Variants in FAM120A observed in about 807,000 individuals in gnomAD.
FAM120A encodes the protein constitutive coactivator of PPAR-gamma-like protein 1.
In FAM120A, 15 loss-of-function variants were observed where a neutral mutation model predicts 109.7. The ratio of observed to expected loss-of-function variants is 0.14; its 90% confidence interval spans 0.09 to 0.21. The LOEUF is 0.21. Among genes scored for constraint, FAM120A ranks in the 10% least tolerant of loss-of-function variants. The probability of loss-of-function intolerance (pLI) is 1.00; values close to 1 mark genes in which losing one functional copy is unlikely to be tolerated. For missense variants in FAM120A, 899 were observed against 1,439.3 expected (o/e 0.62, Z 6.07); for synonymous variants, 493 against 572.8 (o/e 0.86, Z 1.99).
intron 7 of FAM120A, among the ~76,000 whole-genome samples, chr9:93,517,659 G>T (rs1196482513): frequency 6.6e-6 from 1 of 152,220 alleles, no homozygotes; most frequent in East Asian, 1.9e-4. Flanking sequence ...AAAAGCAAAA[G>T]AAGTAAGCTT....
intron 7 of FAM120A, among the ~76,000 whole-genome samples, chr9:93,522,253 T>G (rs1860876857): frequency 6.6e-6 from 1 of 152,218 alleles, no homozygotes; most frequent in African/African-American, 2.4e-5. Flanking sequence ...TGATACAAAG[T>G]TATATAGAAT....
intron 12 of FAM120A, among the ~76,000 whole-genome samples, chr9:93,552,385 A>G (rs1240359268): frequency 6.6e-6 from 1 of 152,194 alleles, no homozygotes; most frequent in African/African-American, 2.4e-5. Flanking sequence ...TCAGAAAGAC[A>G]TATGTATGTA....
intron 1 of FAM120A, among the ~76,000 whole-genome samples, chr9:93,463,044 C>T (rs1355897668): frequency 6.6e-6 from 1 of 152,164 alleles, no homozygotes; most frequent in Non-Finnish European, 1.5e-5. Flanking sequence ...AGTGTAATTG[C>T]TGTATCTTAG....
intron 1 of FAM120A, among the ~76,000 whole-genome samples, chr9:93,462,147 A>G (rs1450475831): frequency 6.6e-6 from 1 of 152,246 alleles, no homozygotes; most frequent in Admixed American, 6.5e-5. Flanking sequence ...TTGGAGCCAA[A>G]GCACCTAGGC....
chr9:93,452,417 G>T lies in FAM120A; in HGVS notation c.474+28G>T, dbSNP rs1480318119. 6.3e-7 allele frequency: 1 copy of T among 1,583,378 alleles called. No homozygotes were observed. The highest frequency in any genetic ancestry group is 8.6e-7 in the Non-Finnish European group (1 of 1,166,146). On this transcript the variant is annotated intron_variant, in intron 1 of 17. Transcript: ENST00000277165. This position sits in a 1 kb window ranked among gnomAD's most constrained non-coding sequence, Gnocchi z 7.0. Reference sequence around the variant, plus strand: ...GAGGCCGGGGATCCGGGCGGGCCGGGGACCGGGGCCGCGCCGCACCCCTAT... The same window carrying T: ...GAGGCCGGGGATCCGGGCGGGCCGGTGACCGGGGCCGCGCCGCACCCCTAT...
intron 1 of FAM120A, chr9:93,453,306 A>G: frequency 1.0e-6 from 1 of 986,700 alleles, no homozygotes; most frequent in Non-Finnish European, 1.2e-6. Flanking sequence ...AGGGCTTCGC[A>G]GCTGGCACTG....
At chr9:93,563,856 T>C (rs1181813895) in intron 17 of FAM120A, among the ~76,000 whole-genome samples, 1 of 152,252 alleles carries the variant, frequency 6.6e-6, no homozygotes, top group Non-Finnish European at 1.5e-5. Context: ...CACAGGCAGA[T>C]GTGGGAGACC....
chr9:93,494,007 T>C (rs1859459409), intron 3 of FAM120A, among the ~76,000 whole-genome samples: 1 of 152,190 alleles, frequency 6.6e-6, no homozygotes, highest in Non-Finnish European at 1.5e-5. Flanking sequence ...GTCTGACACA[T>C]GCGGTTTAAA....
intron 2 of FAM120A, among the ~76,000 whole-genome samples, chr9:93,474,555 GA>G (rs1858463886): frequency 6.6e-6 from 1 of 151,846 alleles, no homozygotes; most frequent in African/African-American, 2.4e-5. Flanking sequence ...ATATTATTTC[GA>G]ATTGAAGCTT....
At chr9:93,517,001 G>C (rs1860626758) in intron 7 of FAM120A, among the ~76,000 whole-genome samples, 1 of 152,154 alleles carries the variant, frequency 6.6e-6, no homozygotes, top group Non-Finnish European at 1.5e-5. Flanking sequence ...AGATAACCAG[G>C]GCTGGTTGAT....
At chr9:93,495,361 C>T (rs993665288) in intron 3 of FAM120A, among the ~76,000 whole-genome samples, 1 of 152,188 alleles carries the variant, frequency 6.6e-6, no homozygotes, top group African/African-American at 2.4e-5. Flanking sequence ...CCTAATACAC[C>T]GTTATAACTC....
intron 9 of FAM120A, 146 bp downstream of exon 9, chr9:93,529,726 TTGAATGAAAGA>T: frequency 1.4e-6 from 1 of 729,192 alleles, no homozygotes; most frequent in South Asian, 1.6e-5. Flanking sequence ...TTTCTAAACA[TTGAATGAAAGA>T]TGAACATTTA....
At chr9:93,460,665 G>A (rs967446058) in intron 1 of FAM120A, among the ~76,000 whole-genome samples, 1 of 152,156 alleles carries the variant, frequency 6.6e-6, no homozygotes, top group Non-Finnish European at 1.5e-5. Flanking sequence ...GTTTTCTCTA[G>A]AAGTAAATCT....
At position 93,562,260 on chromosome 9, in the gene FAM120A, G is replaced by A. The variant is rs1463580283; in HGVS notation, c.3001G>A (p.Gly1001Arg). 5 of 1,614,184 alleles carry A rather than the reference G, an allele frequency of 3.1e-6. No individual in the cohort carries two copies. Among genetic ancestry groups the A allele is most frequent in the Admixed American group, 1.7e-5 (1 of 60,028 alleles). The change falls in exon 17 of 18, where the codon GGA (glycine) becomes AGA (arginine). Residue 1001 changes from glycine (G) to arginine (R), a missense_variant. Around this residue, in one of 11 missense-constraint regions of FAM120A, gnomAD observed 170 missense variants for 205.0 expected, o/e 0.83. Coordinates refer to ENST00000277165, the MANE Select transcript of FAM120A (RefSeq NM_014612.5). ...AGTGATTAGAACATTTGGAAGAGGT[G>A]GAAGGTACTATGGCAGAGGTTACAA... ...TPVIRTFGRG[G>R]RYYGRGYKNQ... is the part of the protein sequence containing the mutation.
intron 16 of FAM120A, 64 bp downstream of exon 16, chr9:93,561,314 T>G: frequency 6.7e-7 from 1 of 1,487,406 alleles, no homozygotes; most frequent in Non-Finnish European, 9.0e-7. Context: ...AACTTGCTTT[T>G]TTTTGGAAGT....
chr9:93,455,800 T>G (rs1048524421), intron 1 of FAM120A, among the ~76,000 whole-genome samples: 27 of 152,050 alleles, frequency 1.8e-4, no homozygotes, highest in Non-Finnish European at 1.5e-5. Context: ...GTAGCTGGGA[T>G]TATAGGCGCC....
chr9:93,529,237 C>T, intron 8 of FAM120A, 116 bp from the exon 9 acceptor site: 4 of 899,836 alleles, frequency 4.4e-6, no homozygotes, highest in South Asian at 3.6e-5. Context: ...CTCTCTAAGA[C>T]AGGACTCATC....
At chr9:93,511,840 C>G (rs1381358520) in intron 5 of FAM120A, among the ~76,000 whole-genome samples, 1 of 152,206 alleles carries the variant, frequency 6.6e-6, no homozygotes, top group Non-Finnish European at 1.5e-5. Flanking sequence ...TCACCCAGGC[C>G]AGAGTGCAGT....
chr9:93,506,062 G>A (rs1860038982), intron 5 of FAM120A, among the ~76,000 whole-genome samples: 1 of 152,184 alleles, frequency 6.6e-6, no homozygotes. Context: ...CATGCCACAG[G>A]ATTATGCCGT....
Sources: allele counts gnomAD v4.1 joint callset (sites outside exome capture counted in the v4.1 genomes callset), GRCh38; gene constraint gnomAD v4.1.1; regional missense constraint gnomAD v4.1.1; non-coding constraint Gnocchi (gnomAD v3.1); transcripts MANE v1.5; gene names NCBI Gene and HGNC (gene_info 2026-07-23, HGNC 2026-07-21).